The following MTAP variants were observed in gnomAD, a reference collection of about 807,000 sequenced individuals.
MTAP encodes methylthioadenosine phosphorylase, also known as S-methyl-5'-thioadenosine phosphorylase.
A neutral mutation model predicts 33.6 loss-of-function variants in MTAP; 33 were observed. That is an observed-to-expected ratio of 0.98 (90% CI 0.74 to 1.31). MTAP has a LOEUF of 1.31. Ranked by LOEUF, MTAP falls within the 40% of genes most tolerant of loss-of-function variation. MTAP has a pLI of 0.00. For missense variants in MTAP, 367 were observed against 360.0 expected (o/e 1.02, Z -0.16); for synonymous variants, 148 against 125.7 (o/e 1.18, Z -1.19).
intron 1 of MTAP, among the ~76,000 whole-genome samples, chr9:21,883,929 A>C (rs1448729040): frequency 6.6e-6 from 1 of 151,998 alleles, no homozygotes; most frequent in Non-Finnish European, 1.5e-5. Flanking sequence ...TGTGAAGGTC[A>C]TGTGGGAGCT....
intron 4 of MTAP, among the ~76,000 whole-genome samples, chr9:21,826,168 T>C (rs900258429): frequency 1.3e-5 from 2 of 149,168 alleles, no homozygotes; most frequent in African/African-American, 4.9e-5. Flanking sequence ...TCCTAATTCC[T>C]AGCTTCAAGA....
chr9:21,902,290 T>G (rs192647282), intron 1 of MTAP, among the ~76,000 whole-genome samples: 69 of 152,340 alleles, frequency 4.5e-4, no homozygotes, highest in African/African-American at 1.6e-3. Context: ...CCTTGTTTCC[T>G]GTAGCTCATG....
rs1482153688 is a variant in MTAP, at chr9:21,922,752, A to C, written c.148-8256A>C. Among the ~76,000 whole-genome samples the C allele has an allele frequency of 6.6e-6, 1 of 152,100 alleles. No individual in the cohort carries two copies. The highest frequency in any genetic ancestry group is 1.5e-5 in the Non-Finnish European group (1 of 68,014). On this transcript the variant is annotated intron_variant, in intron 1 of 1. Transcript: ENST00000577563. The surrounding 1 kb of genome is among the most constrained non-coding windows in gnomAD (Gnocchi z 4.8). Reference sequence around the variant, plus strand: ...TCCCAGAACTATTACTCTCAGCCACAGTGGCTCTGCACCCGCTGGCTGATC... The same window carrying C: ...TCCCAGAACTATTACTCTCAGCCACCGTGGCTCTGCACCCGCTGGCTGATC...
At chr9:21,807,633 T>A (rs905253787) in intron 1 of MTAP, among the ~76,000 whole-genome samples, 1 of 152,168 alleles carries the variant, frequency 6.6e-6, no homozygotes, top group African/African-American at 2.4e-5. Context: ...GAGAGCTGTT[T>A]GACATTTAGT....
chr9:21,843,075 A>G (rs543435952), intron 5 of MTAP, among the ~76,000 whole-genome samples: 1 of 152,234 alleles, frequency 6.6e-6, no homozygotes, highest in Admixed American at 6.5e-5. Flanking sequence ...GGAAAAAGAT[A>G]TTCCATGCAA....
At chr9:21,868,387 C>A (rs577923934), downstream of MTAP, among the ~76,000 whole-genome samples, 1 of 152,294 alleles carries the variant, frequency 6.6e-6, no homozygotes, top group South Asian at 2.1e-4. Flanking sequence ...ACTGAAAAAA[C>A]CATGCCACAT....
intron 5 of MTAP, among the ~76,000 whole-genome samples, chr9:21,843,992 A>T (rs1300381520): frequency 2.6e-5 from 4 of 152,206 alleles, no homozygotes; most frequent in Non-Finnish European, 5.9e-5. Flanking sequence ...CATTAGTGAA[A>T]TTAACCAAGA....
intron 1 of MTAP, 174 bp downstream of exon 1, chr9:21,802,955 G>T: frequency 7.4e-7 from 1 of 1,357,228 alleles, no homozygotes; most frequent in Non-Finnish European, 9.4e-7. Flanking sequence ...GAGAGGGTAC[G>T]CTTGCAAATG....
intron 5 of MTAP, among the ~76,000 whole-genome samples, chr9:21,845,022 C>T (rs533560194): frequency 7.6e-6 from 1 of 131,280 alleles, no homozygotes; most frequent in Non-Finnish European, 1.6e-5. Context: ...CAGAGCGAGA[C>T]TCCGTCTCAA....
intron 4 of MTAP, among the ~76,000 whole-genome samples, chr9:21,820,332 A>C (rs1033798255): frequency 5.9e-5 from 9 of 152,194 alleles, no homozygotes; most frequent in Non-Finnish European, 1.3e-4. Flanking sequence ...AGGTGTAAAG[A>C]AAGGATCCAG....
chr9:21,852,786 A>G (rs913396871), intron 5 of MTAP, among the ~76,000 whole-genome samples: 20 of 151,584 alleles, frequency 1.3e-4, no homozygotes, highest in African/African-American at 4.8e-4. Flanking sequence ...TAAGTTTTGT[A>G]CCATGTACAA....
downstream of MTAP, among the ~76,000 whole-genome samples, chr9:21,869,622 CT>C (rs1242685897): frequency 6.6e-6 from 1 of 152,166 alleles, no homozygotes; most frequent in East Asian, 1.9e-4. Context: ...CAGTTCCATC[CT>C]TCTAGTTCCT....
chr9:21,809,744 C>T (rs1303725513), intron 1 of MTAP, among the ~76,000 whole-genome samples: 3 of 152,220 alleles, frequency 2.0e-5, no homozygotes, highest in Non-Finnish European at 2.9e-5. Context: ...CAAACTACGC[C>T]TTGCCCAACT....
At chr9:21,937,259 A>T (rs1819055677) in exon 8 of MTAP, 1 of 152,222 alleles carries the variant, frequency 6.6e-6, no homozygotes, top group Non-Finnish European at 1.5e-5. Flanking sequence ...GAATCGCATG[A>T]ACCCAGGAGG....
chr9:21,939,006 T>C (rs1244470546), downstream of MTAP, among the ~76,000 whole-genome samples: 2 of 152,224 alleles, frequency 1.3e-5, no homozygotes, highest in Non-Finnish European at 2.9e-5. Flanking sequence ...TCTCCCAGAA[T>C]TCCCACATGT....
chr9:21,873,381 T>A (rs1206513693), intron 1 of MTAP, among the ~76,000 whole-genome samples: 1 of 152,110 alleles, frequency 6.6e-6, no homozygotes, highest in African/African-American at 2.4e-5. Context: ...TATATTGAAA[T>A]CTAATCTCCA....
At chr9:21,826,187 T>G (rs1450331958) in intron 4 of MTAP, among the ~76,000 whole-genome samples, 5 of 117,820 alleles carry the variant, frequency 4.2e-5, no homozygotes, top group Non-Finnish European at 9.0e-5. Context: ...GAGAACATTT[T>G]CTTTTTTTTT....
chr9:21,925,394 C>G (rs1818852817), intron 1 of MTAP, among the ~76,000 whole-genome samples: 2 of 152,206 alleles, frequency 1.3e-5, no homozygotes, highest in Admixed American at 6.5e-5. Flanking sequence ...AACCCTTATG[C>G]CTGACATCTT....
intron 2 of MTAP, 101 bp from the exon 3 acceptor site, chr9:21,816,613 G>A: frequency 1.0e-6 from 1 of 956,820 alleles, no homozygotes; most frequent in Non-Finnish European, 1.6e-6. Context: ...TGTATCCTCA[G>A]ACTCTTCAGA....
Sources: allele counts gnomAD v4.1 joint callset (sites outside exome capture counted in the v4.1 genomes callset), GRCh38; gene constraint gnomAD v4.1.1; non-coding constraint Gnocchi (gnomAD v3.1); transcripts MANE v1.5; gene names NCBI Gene and HGNC (gene_info 2026-07-23, HGNC 2026-07-21).